Variants in GALNT13 observed in about 807,000 individuals in gnomAD.
GALNT13 encodes UDP-GalNAc:polypeptide N-acetylgalactosaminyltransferase 13.
In GALNT13, 28 loss-of-function variants were observed where a neutral mutation model predicts 64.2. The ratio of observed to expected loss-of-function variants is 0.44; its 90% confidence interval spans 0.32 to 0.60. GALNT13 has a LOEUF of 0.60. Among genes scored for constraint, GALNT13 ranks in the 20% least tolerant of loss-of-function variants. The probability of loss-of-function intolerance (pLI) is 0.05; values close to 1 mark genes in which losing one functional copy is unlikely to be tolerated. For missense variants in GALNT13, 577 were observed against 669.8 expected (o/e 0.86, Z 1.53); for synonymous variants, 214 against 224.6 (o/e 0.95, Z 0.42).
At chr2:154,351,830 C>A (rs1207098347) in intron 9 of GALNT13, among the ~76,000 whole-genome samples, 1 of 149,184 alleles carries the variant, frequency 6.7e-6, no homozygotes, top group Non-Finnish European at 1.5e-5. Flanking sequence ...GTTCTAAACA[C>A]TTTGATCAAT....
At chr2:153,191,815 T>G in the GALNT13 span, among the ~76,000 whole-genome samples, 8 of 152,058 alleles carry the variant, frequency 5.3e-5, no homozygotes, top group African/African-American at 1.9e-4. Flanking sequence ...CAGAAATTTA[T>G]CTATTTCTTC....
intron 3 of GALNT13, among the ~76,000 whole-genome samples, chr2:154,051,839 T>G (rs1004243693): frequency 6.6e-6 from 1 of 152,192 alleles, no homozygotes; most frequent in Non-Finnish European, 1.5e-5. Context: ...ATTCTCCTAT[T>G]TAGCAAAATA....
chr2:153,678,761 GC>G, the GALNT13 span, among the ~76,000 whole-genome samples: 4 of 151,974 alleles, frequency 2.6e-5, no homozygotes, highest in Non-Finnish European at 4.4e-5. Flanking sequence ...TTATTTATAA[GC>G]TTTAAGGATG....
At chr2:153,598,291 C>G in the GALNT13 span, among the ~76,000 whole-genome samples, 1 of 152,106 alleles carries the variant, frequency 6.6e-6, no homozygotes, top group African/African-American at 2.4e-5. Context: ...ACTCTGACAT[C>G]CTTGTTTTCC....
At chr2:153,947,381 C>A (rs1458758239) in intron 3 of GALNT13, among the ~76,000 whole-genome samples, 25 of 150,736 alleles carry the variant, frequency 1.7e-4, no homozygotes, top group Admixed American at 6.6e-5. Context: ...TTTTGCTCAA[C>A]AACTGACTGC....
the GALNT13 span, among the ~76,000 whole-genome samples, chr2:153,511,815 G>A: frequency 1.3e-5 from 2 of 152,106 alleles, no homozygotes; most frequent in Non-Finnish European, 2.9e-5. Context: ...ATCCCACATT[G>A]GTAAGAGAAA....
chr2:153,493,131 GCAAAGTAAA>G, the GALNT13 span, among the ~76,000 whole-genome samples: 5 of 151,992 alleles, frequency 3.3e-5, no homozygotes, highest in Non-Finnish European at 5.9e-5. Context: ...AAAAAAAAGA[GCAAAGTAAA>G]TAGAAGACGG....
the GALNT13 span, among the ~76,000 whole-genome samples, chr2:153,329,471 G>A: frequency 6.6e-6 from 1 of 152,136 alleles, no homozygotes; most frequent in South Asian, 2.1e-4. Context: ...TAGCCAGTCT[G>A]ACTGGTATAA....
chr2:153,889,278 A>C (rs1453716109), intron 1 of GALNT13, among the ~76,000 whole-genome samples: 1 of 151,892 alleles, frequency 6.6e-6, no homozygotes, highest in Non-Finnish European at 1.5e-5. Flanking sequence ...ACCTGATATT[A>C]GATCAAATTA....
At chr2:153,583,822 T>G in the GALNT13 span, among the ~76,000 whole-genome samples, 1 of 152,096 alleles carries the variant, frequency 6.6e-6, no homozygotes, top group Non-Finnish European at 1.5e-5. Flanking sequence ...GTGCAGCACT[T>G]GAAAAGGTGT....
the GALNT13 span, among the ~76,000 whole-genome samples, chr2:153,761,296 AT>A: frequency 6.6e-6 from 1 of 152,096 alleles, no homozygotes; most frequent in Non-Finnish European, 1.5e-5. Context: ...GAGCTTTTAT[AT>A]TTGTTTACTT....
At chr2:153,530,696 A>G in the GALNT13 span, among the ~76,000 whole-genome samples, 1 of 152,088 alleles carries the variant, frequency 6.6e-6, no homozygotes, top group Non-Finnish European at 1.5e-5. Context: ...AAAGAGAGAC[A>G]CACAGGTGAA....
chr2:153,275,322 C>T, the GALNT13 span, among the ~76,000 whole-genome samples: 2 of 152,064 alleles, frequency 1.3e-5, no homozygotes, highest in Non-Finnish European at 2.9e-5. Flanking sequence ...AAGGTGTCTC[C>T]TCCACAGTTC....
rs752238590 is a variant in GALNT13 at position 154,245,933 on chromosome 2, C to T, written c.808C>T (p.Pro270Ser). Residue 270 changes from proline to serine, a missense_variant, in exon 7 of 13, where the codon CCC becomes TCC. By Grantham distance (74) the Pro-to-Ser change is moderately conservative. Around this residue, in one of 3 missense-constraint regions of GALNT13, gnomAD observed 341 missense variants for 379.3 expected, o/e 0.90. Coordinates refer to ENST00000392825, the MANE Select transcript of GALNT13 (RefSeq NM_052917.4). ...WKLNFRWYPV[P>S]QREMDRRKGD... is the part of the protein sequence containing the mutation. ...ACTGAATTTCCGCTGGTATCCTGTTCCCCAAAGAGAAATGGACAGGAGGAA... is the reference window on the plus strand; with the variant it reads ...ACTGAATTTCCGCTGGTATCCTGTTTCCCAAAGAGAAATGGACAGGAGGAA... 6.2e-7 allele frequency: 1 copy of T among 1,613,060 alleles called. No individual in the cohort carries two copies. Among genetic ancestry groups the T allele is most frequent in the South Asian group, 1.1e-5 (1 of 91,030 alleles).
chr2:153,731,409 G>C, the GALNT13 span, among the ~76,000 whole-genome samples: 1 of 151,820 alleles, frequency 6.6e-6, no homozygotes, highest in African/African-American at 2.4e-5. Context: ...ACACCATTTG[G>C]ATGATGAGTA....
the GALNT13 span, among the ~76,000 whole-genome samples, chr2:153,509,325 T>C: frequency 6.6e-6 from 1 of 152,180 alleles, no homozygotes; most frequent in South Asian, 2.1e-4. Context: ...GGGCGGGGCT[T>C]CCACCTGTTT....
intron 4 of GALNT13, among the ~76,000 whole-genome samples, chr2:154,175,096 T>C (rs926334996): frequency 5.3e-5 from 8 of 152,104 alleles, no homozygotes; most frequent in African/African-American, 1.9e-4. Context: ...ATTAGACGGG[T>C]TATAAATTCA....
At chr2:154,002,976 A>G (rs1227230479) in intron 3 of GALNT13, among the ~76,000 whole-genome samples, 3 of 152,156 alleles carry the variant, frequency 2.0e-5, no homozygotes, top group Non-Finnish European at 4.4e-5. Flanking sequence ...TCAGAATTTA[A>G]TTGGTAACCT....
chr2:153,332,534 G>GTTTTTTTTTT, the GALNT13 span, among the ~76,000 whole-genome samples: 12 of 136,250 alleles, frequency 8.8e-5, no homozygotes, highest in South Asian at 2.3e-4. Context: ...TGAGAGTATT[G>GTTTTTTTTTT]TTTTTTTTTT....
Sources: allele counts gnomAD v4.1 joint callset (sites outside exome capture counted in the v4.1 genomes callset), GRCh38; gene constraint gnomAD v4.1.1; regional missense constraint gnomAD v4.1.1; transcripts MANE v1.5; gene names NCBI Gene and HGNC (gene_info 2026-07-23, HGNC 2026-07-21).